IGSF8: variants seen among roughly 807,000 people sequenced by gnomAD.
The protein encoded by IGSF8 is CD81 partner 3.
Under a neutral mutation model 55.5 loss-of-function variants are expected in IGSF8, and 46 were observed. That is an observed-to-expected ratio of 0.83 (90% CI 0.65 to 1.06). The LOEUF (loss-of-function observed/expected upper bound fraction) is 1.06, where lower values mean the gene tolerates loss of function less well. Among genes scored for constraint, IGSF8 ranks in the 50% least tolerant of loss-of-function variants. The probability of loss-of-function intolerance (pLI) is 0.00; values close to 1 mark genes in which losing one functional copy is unlikely to be tolerated. For synonymous variants in IGSF8, 314 were observed against 356.1 expected, an observed-to-expected ratio of 0.88 and a Z score of 1.33; for missense variants, 731 against 832.3, an observed-to-expected ratio of 0.88 and a Z score of 1.50.
chr1:160,093,288 G>T lies in IGSF8; in HGVS notation c.948C>A (p.Ile316=), dbSNP rs747155585. Residue 316 remains isoleucine (I), a synonymous_variant, in exon 4 of 7, where the codon ATC becomes ATA. Transcript: ENST00000314485. ...AVTVGPGERR[I]GPGEPLELLC... is the part of the protein sequence containing the mutation. ...GCAGTTCCAAGGGCTCCCCTGGGCC[G>T]ATCCGACGTTCACCAGGCCCCACTG... 1.9e-6 allele frequency: 3 copies of T among 1,604,986 alleles called. No homozygotes were observed. The South Asian group carries it at 3.3e-5, about 18-fold the overall frequency.
At chr1:160,097,371 T>C (rs555661730) in intron 1 of IGSF8, among the ~76,000 whole-genome samples, 1 of 152,208 alleles carries the variant, frequency 6.6e-6, no homozygotes, top group Non-Finnish European at 1.5e-5. Context: ...AGAGGACTCA[T>C]CCTAACCCTG....
At chr1:160,098,723 T>G, upstream of IGSF8, 1 of 383,806 alleles carries the variant, frequency 2.6e-6, no homozygotes, top group Non-Finnish European at 4.4e-6. Flanking sequence ...CCGCCCCGTC[T>G]AGGCCCGCCC....
chr1:160,094,007 C>T lies in IGSF8; in HGVS notation c.607G>A (p.Gly203Arg). 4.3e-6 allele frequency: 7 copies of T among 1,614,116 alleles called. No individual in the cohort carries two copies. Among genetic ancestry groups the T allele is most frequent in the South Asian group, 1.1e-5 (1 of 91,092 alleles). The change falls in exon 3 of 7, where the codon GGG (glycine) becomes AGG (arginine). Residue 203 changes from glycine to arginine, a missense_variant. Transcript: ENST00000314485. This position sits in a 1 kb window ranked among gnomAD's most constrained non-coding sequence, Gnocchi z 4.0. ...ACTGGTGCCTCGGGCACAGATCGCC[C>T]AAAGGACACTGCCAGGTGTGTGTGC... is the stretch of plus-strand genomic sequence containing the variant. The part of the protein sequence containing the change: ...QKHTHLAVSF[G>R]RSVPEAPVGR...
rs150306822 is a variant in IGSF8, at chr1:160,091,828, G to A, written c.1837C>T (p.Arg613Trp). Residue 613 changes from arginine to tryptophan, a missense_variant, in exon 6 of 7, where the codon CGG becomes TGG. Physicochemically the swap from Arg to Trp is moderately radical, Grantham distance 101 (BLOSUM62 -3). Coordinates refer to ENST00000314485, the MANE Select transcript of IGSF8 (RefSeq NM_052868.6). ...CTCACCTGGGGAGTAAGGGATCACCGTTTTCGAAGCCTCTTCATGAAGCAG... is the reference window on the plus strand; with the variant it reads ...CTCACCTGGGGAGTAAGGGATCACCATTTTCGAAGCCTCTTCATGAAGCAG... ...TCCFMKRLRK[R>W] The A allele has an allele frequency of 1.1e-5, 17 of 1,611,828 alleles. 1 individual carries two copies. Among genetic ancestry groups the A allele is most frequent in the African/African-American group, 4.0e-5 (3 of 74,846 alleles).
In IGSF8 at chr1:160,093,132, G is replaced by T. The variant is rs1650116920; in HGVS notation, c.1104C>A (p.Gly368=). ...GGCCCTCATAGCCAGGGCCCAGGCTGCCCACACCCTCTGTGTCCAGCTGGG... is the reference window on the plus strand; with the variant it reads ...GGCCCTCATAGCCAGGGCCCAGGCTTCCCACACCCTCTGTGTCCAGCTGGG... ...LVAQLDTEGV[G]SLGPGYEGRH... The change falls in exon 4 of 7, where the codon GGC becomes GGA. Residue 368 remains glycine, a synonymous_variant. Transcript: ENST00000314485. 6 of 1,613,806 alleles carry T rather than the reference G, an allele frequency of 3.7e-6. No homozygotes were observed. Among genetic ancestry groups the T allele is most frequent in the Non-Finnish European group, 5.1e-6 (6 of 1,179,816 alleles).
At chr1:160,097,674 G>A in intron 1 of IGSF8, 2 of 985,198 alleles carry the variant, frequency 2.0e-6, no homozygotes, top group Non-Finnish European at 2.4e-6. Flanking sequence ...ATGCATCCAT[G>A]CAAGATTGGC....
chr1:160,096,256 G>A (rs988023573), intron 1 of IGSF8, among the ~76,000 whole-genome samples: 1 of 152,082 alleles, frequency 6.6e-6, no homozygotes, highest in Non-Finnish European at 1.5e-5. Flanking sequence ...AATGTAAAGA[G>A]GGCTAGGCCA....
In IGSF8 at chr1:160,091,929, G is replaced by A. The variant is rs779368054; in HGVS notation, c.1736C>T (p.Thr579Ile). 1 of 1,609,734 alleles carries A rather than the reference G, an allele frequency of 6.2e-7. No homozygotes were observed. The highest frequency in any genetic ancestry group is 8.5e-7 in the Non-Finnish European group (1 of 1,176,080). Residue 579 changes from threonine (T) to isoleucine (I), a missense_variant, in exon 6 of 7, where the codon ACC becomes ATC. Thr to Ile is a moderately conservative substitution (Grantham distance 89, BLOSUM62 -1). Transcript: ENST00000314485. Reference protein sequence around the residue: ...TVYPYMHALDTLFVPLLVGTG... With the variant: ...TVYPYMHALDILFVPLLVGTG... Reference sequence around the variant, plus strand: ...ACCCACCAGCAGAGGCACAAATAGGGTGTCCAGGGCTGGGGGAGAGAGGAT... The same window carrying A: ...ACCCACCAGCAGAGGCACAAATAGGATGTCCAGGGCTGGGGGAGAGAGGAT...
chr1:160,094,120 C>G lies in IGSF8; in HGVS notation c.494G>C (p.Arg165Pro), dbSNP rs771038805. ...VSAAPPGPRGRQAPTSPPRMT... is the reference protein window; with the variant it reads ...VSAAPPGPRGPQAPTSPPRMT... The stretch of plus-strand genomic sequence containing the variant: ...GCGTGGGGGTGAGGTTGGGGCCTGG[C>G]GGCCTCGGGGCCCTGGGGGGGCAGC... Residue 165 changes from arginine (R) to proline (P), a missense_variant, in exon 3 of 7, where the codon CGC becomes CCC. Physicochemically the swap from Arg to Pro is moderately radical, Grantham distance 103. Transcript: ENST00000314485. The surrounding 1 kb of genome is among the most constrained non-coding windows in gnomAD (Gnocchi z 4.0). 10 of 1,608,278 alleles carry G rather than the reference C, an allele frequency of 6.2e-6. No individual in the cohort carries two copies. The Admixed American group carries it at 1.0e-4, about 16-fold the overall frequency.
chr1:160,094,836 T>C lies in IGSF8; in HGVS notation c.442+33A>G, dbSNP rs766064500. Reference sequence around the variant, plus strand: ...GCCTTGACTTTCTGCCTTGAGAGGGTGTGTGGCTCCACCCCGTCCCAGGGC... The same window carrying C: ...GCCTTGACTTTCTGCCTTGAGAGGGCGTGTGGCTCCACCCCGTCCCAGGGC... On this transcript the variant is annotated intron_variant, in intron 2 of 6. Transcript: ENST00000314485. The surrounding 1 kb of genome is among the most constrained non-coding windows in gnomAD (Gnocchi z 4.0). 1.8e-5 allele frequency: 28 copies of C among 1,581,626 alleles called. No homozygotes were observed. In the South Asian group the frequency reaches 3.2e-4, roughly 18 times the overall value.
rs377268178 is a variant in IGSF8 at position 160,094,038 on chromosome 1, T to G, written c.576A>C (p.Thr192=). The G allele has an allele frequency of 1.2e-6, 2 of 1,614,012 alleles. No individual in the cohort carries two copies. Among genetic ancestry groups the G allele is most frequent in the African/African-American group, 2.7e-5 (2 of 74,950 alleles). The change falls in exon 3 of 7, where the codon ACA becomes ACC. Residue 192 remains threonine (T), a synonymous_variant. Transcript: ENST00000314485. The surrounding 1 kb of genome is among the most constrained non-coding windows in gnomAD (Gnocchi z 4.0). ...LALGCLARTS[T]QKHTHLAVSF... is the part of the protein sequence containing the mutation. ...ACACTGCCAGGTGTGTGTGCTTCTGTGTGCTTGTCCTCGCCAGGCAGCCCA... is the reference window on the plus strand; with the variant it reads ...ACACTGCCAGGTGTGTGTGCTTCTGGGTGCTTGTCCTCGCCAGGCAGCCCA...
In IGSF8 at chr1:160,098,499, C is replaced by G. The variant is rs1236725655; in HGVS notation, c.-27G>C. 1 of 1,514,600 alleles carries G rather than the reference C, an allele frequency of 6.6e-7. No homozygotes were observed. Among genetic ancestry groups the G allele is most frequent in the Non-Finnish European group, 8.8e-7 (1 of 1,131,260 alleles). 93.8% of individuals were successfully genotyped at this position (1,514,600 alleles called of 1,614,324 possible). ...CTGCGCGGCCAGCTCTGGGGAGGCTCCGGGGGATGGCGCGGGTTCTGGGGG... is the reference window on the plus strand; with the variant it reads ...CTGCGCGGCCAGCTCTGGGGAGGCTGCGGGGGATGGCGCGGGTTCTGGGGG... On this transcript the variant is annotated 5_prime_UTR_variant, in exon 1 of 7. Transcript: ENST00000314485.
rs1650328283 is a variant in IGSF8, at chr1:160,095,058, G to A, written c.253C>T (p.Gln85Ter). 6.2e-7 allele frequency: 1 copy of A among 1,614,024 alleles called. No individual in the cohort carries two copies. The highest frequency in any genetic ancestry group is 8.5e-7 in the Non-Finnish European group (1 of 1,180,016). ...ALGIVSTKDT[Q>*]FSYAVFKSRV... ...GACTTGAAGACAGCATAGGAGAACT[G>A]GGTATCCTTGGTACTGACAATGCCC... is the stretch of plus-strand genomic sequence containing the variant. Residue 85 changes from glutamine (Q) to a stop codon, truncating the protein, a stop_gained, in exon 2 of 7, where the codon CAG becomes TAG. Coordinates refer to ENST00000314485, the MANE Select transcript of IGSF8 (RefSeq NM_052868.6). LOFTEE classifies it high-confidence loss of function.
In IGSF8 at chr1:160,092,330, C is replaced by T. The variant is rs1451654740; in HGVS notation, c.1678G>A (p.Ala560Thr). The change falls in exon 5 of 7, where the codon GCG (alanine) becomes ACG (threonine). Residue 560 changes from alanine to threonine, a missense_variant. Ala to Thr is a moderately conservative substitution (Grantham distance 58). Coordinates refer to ENST00000314485, the MANE Select transcript of IGSF8 (RefSeq NM_052868.6). ...ACAGGCCCTGAGCGGGCACTGCCCG[C>T]CTGGTACCAGCTGTAGTCGGCATGC... ...VQHADYSWYQ[A>T]GSARSGPVTV... The T allele has an allele frequency of 4.3e-6, 7 of 1,614,096 alleles. No individual in the cohort carries two copies. Among genetic ancestry groups the T allele is most frequent in the Non-Finnish European group, 5.1e-6 (6 of 1,179,948 alleles).
At chr1:160,099,277 C>G (rs917930760), upstream of IGSF8, among the ~76,000 whole-genome samples, 4 of 152,136 alleles carry the variant, frequency 2.6e-5, 1 homozygote, top group Admixed American at 2.0e-4. Flanking sequence ...TGACTGTGAC[C>G]ACGCATTTAG....
In IGSF8 at chr1:160,092,270, G is replaced by T; in HGVS notation, c.1726+12C>A. ...AAGGCAGAGTGAGGAGGGTGGAGGG[G>T]GTGTCACTCACCATGCATGTAGGGG... On this transcript the variant is annotated intron_variant, in intron 5 of 6. Transcript: ENST00000314485. 6.2e-7 allele frequency: 1 copy of T among 1,612,658 alleles called. No individual in the cohort carries two copies. Among genetic ancestry groups the T allele is most frequent in the Non-Finnish European group, 8.5e-7 (1 of 1,178,762 alleles).
chr1:160,092,885 C>T, intron 4 of IGSF8, 39 bp downstream of exon 4: 1 of 1,558,212 alleles, frequency 6.4e-7, no homozygotes, highest in African/African-American at 1.4e-5. Context: ...AAGGGGTTGA[C>T]AATCCTCGAA....
In IGSF8 at chr1:160,093,220, G is replaced by A. The variant is rs1302405878; in HGVS notation, c.1016C>T (p.Ala339Val). 1 of 1,614,060 alleles carries A rather than the reference G, an allele frequency of 6.2e-7. No individual in the cohort carries two copies. Among genetic ancestry groups the A allele is most frequent in the Non-Finnish European group, 8.5e-7 (1 of 1,179,952 alleles). ...CATCTCCCAACCTACAGAGTATGCAGCATGACGGCCTGCTGGGGGAAGTGC... is the reference window on the plus strand; with the variant it reads ...CATCTCCCAACCTACAGAGTATGCAACATGACGGCCTGCTGGGGGAAGTGC... ...SGALPPAGRHAAYSVGWEMAP... is the reference protein window; with the variant it reads ...SGALPPAGRHVAYSVGWEMAP... The change falls in exon 4 of 7, where the codon GCT becomes GTT. Residue 339 changes from alanine (A) to valine (V), a missense_variant. Physicochemically the swap from Ala to Val is moderately conservative, Grantham distance 64. Coordinates refer to ENST00000314485, the MANE Select transcript of IGSF8 (RefSeq NM_052868.6).
At chr1:160,092,814 G>A in intron 4 of IGSF8, 110 bp downstream of exon 4, 1 of 1,485,800 alleles carries the variant, frequency 6.7e-7, no homozygotes, top group Non-Finnish European at 9.1e-7. Flanking sequence ...TAGAAGAGGA[G>A]CGTGAGGCTG....
Sources: allele counts gnomAD v4.1 joint callset (sites outside exome capture counted in the v4.1 genomes callset), GRCh38; gene constraint gnomAD v4.1.1; non-coding constraint Gnocchi (gnomAD v3.1); transcripts MANE v1.5; gene names NCBI Gene and HGNC (gene_info 2026-07-23, HGNC 2026-07-21).